The following DRC8 variants were observed in gnomAD, a reference collection of about 807,000 sequenced individuals.
The protein encoded by DRC8 is dynein regulatory complex subunit 8, also known as dynein regulatory complex protein 8.
At chr1:245,054,672 T>G in the DRC8 span, among the ~76,000 whole-genome samples, 1 of 152,114 alleles carries the variant, frequency 6.6e-6, no homozygotes, top group Non-Finnish European at 1.5e-5. Flanking sequence ...TCAGACCTCT[T>G]CCTTCTCTTT....
chr1:244,986,147 G>A, the DRC8 span, among the ~76,000 whole-genome samples: 1 of 151,550 alleles, frequency 6.6e-6, no homozygotes, highest in Non-Finnish European at 1.5e-5. Context: ...TAGAGACGGG[G>A]TTTCTCCATG....
chr1:245,002,343 G>A, the DRC8 span: 1 of 816,010 alleles, frequency 1.2e-6, no homozygotes, highest in South Asian at 1.6e-5. Flanking sequence ...TATACATCTA[G>A]CCAGATACTC....
chr1:244,970,001 G>A, the DRC8 span: 8 of 538,028 alleles, frequency 1.5e-5, no homozygotes, highest in Non-Finnish European at 2.6e-5. Context: ...AACAAAAATC[G>A]AGCAACGCCA....
chr1:245,099,089 G>C, the DRC8 span, among the ~76,000 whole-genome samples: 1 of 152,116 alleles, frequency 6.6e-6, no homozygotes, highest in African/African-American at 2.4e-5. Flanking sequence ...GTCATAATAA[G>C]AGGAGGCCTG....
chr1:245,059,435 G>A, the DRC8 span: 20 of 1,612,864 alleles, frequency 1.2e-5, no homozygotes, highest in Non-Finnish European at 1.7e-5. Context: ...TACGGAAGGA[G>A]AGCTGCATGA....
At chr1:245,039,408 G>A in the DRC8 span, among the ~76,000 whole-genome samples, 12 of 146,126 alleles carry the variant, frequency 8.2e-5, no homozygotes, top group South Asian at 2.7e-3. Context: ...CCAGGAGCTC[G>A]AGGCTGCAGT....
chr1:244,986,144 G>A, the DRC8 span, among the ~76,000 whole-genome samples: 416 of 151,556 alleles, frequency 2.7e-3, no homozygotes, highest in Non-Finnish European at 4.1e-3. Flanking sequence ...TAGTAGAGAC[G>A]GGGTTTCTCC....
chr1:244,995,254 G>C, the DRC8 span, among the ~76,000 whole-genome samples: 2 of 152,020 alleles, frequency 1.3e-5, no homozygotes, highest in Non-Finnish European at 2.9e-5. Flanking sequence ...CCAGCTACTT[G>C]GGAGGCTAAG....
the DRC8 span, among the ~76,000 whole-genome samples, chr1:245,003,591 A>G: frequency 6.6e-6 from 1 of 152,012 alleles, no homozygotes; most frequent in African/African-American, 2.4e-5. Context: ...GATTGACATC[A>G]TTTGGAGGTT....
At chr1:245,052,668 G>T in the DRC8 span, among the ~76,000 whole-genome samples, 1 of 152,216 alleles carries the variant, frequency 6.6e-6, no homozygotes, top group African/African-American at 2.4e-5. Context: ...TGGGCAGGTG[G>T]AGAAGAATAG....
At chr1:244,989,598 C>T in the DRC8 span, among the ~76,000 whole-genome samples, 4 of 152,094 alleles carry the variant, frequency 2.6e-5, no homozygotes, top group East Asian at 1.9e-4. Context: ...ATGTTAGCCT[C>T]GATCGCCTGG....
chr1:244,996,073 G>A, the DRC8 span, among the ~76,000 whole-genome samples: 4 of 152,166 alleles, frequency 2.6e-5, no homozygotes, highest in Non-Finnish European at 1.5e-5. Flanking sequence ...AGTTTCTTAG[G>A]GTCAGGAATC....
chr1:245,039,038 A>G, the DRC8 span, among the ~76,000 whole-genome samples: 4 of 148,170 alleles, frequency 2.7e-5, no homozygotes, highest in Non-Finnish European at 3.0e-5. Flanking sequence ...ACCACAGAGA[A>G]AAAAGGAATC....
the DRC8 span, among the ~76,000 whole-genome samples, chr1:245,043,068 T>A: frequency 6.6e-6 from 1 of 152,232 alleles, no homozygotes; most frequent in African/African-American, 2.4e-5. Flanking sequence ...TTTTTAATAC[T>A]TGTAACCATA....
At chr1:245,098,032 C>T in the DRC8 span, among the ~76,000 whole-genome samples, 2 of 152,154 alleles carry the variant, frequency 1.3e-5, no homozygotes, top group East Asian at 3.9e-4. Flanking sequence ...GGGGACATTA[C>T]CAGGGAGATG....
At chr1:245,059,584 ATATTAGGATAAC>A in the DRC8 span, 3 of 669,554 alleles carry the variant, frequency 4.5e-6, no homozygotes, top group Non-Finnish European at 2.5e-6. Flanking sequence ...CTCAGTGGAA[ATATTAGGATAAC>A]TATTCATATT....
chr1:245,113,744 G>A, the DRC8 span, among the ~76,000 whole-genome samples: 2 of 151,840 alleles, frequency 1.3e-5, no homozygotes, highest in Non-Finnish European at 2.9e-5. Context: ...TGTGCCAAAC[G>A]CCACACTCGA....
At chr1:245,082,488 T>C in the DRC8 span, among the ~76,000 whole-genome samples, 1 of 152,220 alleles carries the variant, frequency 6.6e-6, no homozygotes, top group Non-Finnish European at 1.5e-5. Flanking sequence ...AATATAGCAT[T>C]AGCTTACCAT....
the DRC8 span, among the ~76,000 whole-genome samples, chr1:245,120,106 A>G: frequency 6.6e-6 from 1 of 152,170 alleles, no homozygotes; most frequent in Non-Finnish European, 1.5e-5. Context: ...ATTTTTTTGA[A>G]TGAATAAAAT....
Sources: gnomAD v4.1 joint callset for allele counts (sites outside exome capture counted in the v4.1 genomes callset) on GRCh38, gnomAD v4.1.1 for gene constraint, MANE v1.5 for transcripts, NCBI Gene and HGNC (gene_info 2026-07-23, HGNC 2026-07-21) for gene names.